Variants in MRGPRF observed in about 807,000 individuals in gnomAD.
MRGPRF encodes mas-related G protein-coupled receptor member F.
MRGPRF carries 2 observed loss-of-function variants against 3.3 expected under a neutral mutation model. The observed-to-expected ratio is 0.61, with a 90% confidence interval of 0.25 to 1.92. The LOEUF is 1.92. Among genes scored for constraint, MRGPRF ranks in the 40% most tolerant of loss-of-function variants. MRGPRF has a pLI of 0.16. For missense variants in MRGPRF, 500 were observed against 476.0 expected (o/e 1.05, Z -0.47); for synonymous variants, 242 against 222.7 (o/e 1.09, Z -0.77).
rs143126919 is a variant in MRGPRF, at chr11:69,011,880, C to T, written c.-57+1203G>A. On this transcript the variant is annotated intron_variant, in intron 1 of 2. Coordinates refer to ENST00000309099, the MANE Select transcript of MRGPRF (RefSeq NM_145015.5). Reference sequence around the variant, plus strand: ...AGGCAGTGGGCTGGGCTCCCCCCTACGCTGCAGGTGGGCATGCAGTGGGGG... The same window carrying T: ...AGGCAGTGGGCTGGGCTCCCCCCTATGCTGCAGGTGGGCATGCAGTGGGGG... Among the ~76,000 whole-genome samples, 301 of 152,340 alleles carry T rather than the reference C, an allele frequency of 2.0e-3. 3 individuals are homozygous for T. The East Asian group carries it at 0.043, about 22-fold the overall frequency.
upstream of MRGPRF, chr11:69,013,417 C>G (rs1217227635): frequency 6.6e-6 from 1 of 152,618 alleles, no homozygotes; most frequent in East Asian, 1.9e-4. Context: ...ATCTCTCCGC[C>G]TGGTGACGTC....
At chr11:69,010,396 C>A (rs2154012872) in intron 1 of MRGPRF, among the ~76,000 whole-genome samples, 1 of 152,324 alleles carries the variant, frequency 6.6e-6, no homozygotes, top group Middle Eastern at 3.4e-3. Flanking sequence ...GCAGGGGGAA[C>A]CTGCTGGAGG....
In MRGPRF at chr11:69,006,221, C is replaced by T. The variant is rs774001540; in HGVS notation, c.89G>A (p.Arg30Gln). 1.9e-6 allele frequency: 3 copies of T among 1,613,338 alleles called. No homozygotes were observed. Among genetic ancestry groups the T allele is most frequent in the African/African-American group, 1.3e-5 (1 of 75,054 alleles). Residue 30 changes from arginine to glutamine, a missense_variant, in exon 3 of 3, where the codon CGG becomes CAG. Physicochemically the swap from Arg to Gln is conservative, Grantham distance 43 (BLOSUM62 1). Transcript: ENST00000309099. Reference protein sequence around the residue: ...GLSEAPELYSRGFLTIEQIAM... With the variant: ...GLSEAPELYSQGFLTIEQIAM... Reference sequence around the variant, plus strand: ...GATCTGCTCGATGGTCAGGAAGCCCCGGCTGTAGAGTTCCGGGGCCTCGCT... The same window carrying T: ...GATCTGCTCGATGGTCAGGAAGCCCTGGCTGTAGAGTTCCGGGGCCTCGCT...
chr11:69,009,807 C>T (rs73514405), intron 2 of MRGPRF, 47 bp downstream of exon 2: 3 of 1,590,390 alleles, frequency 1.9e-6, no homozygotes, highest in South Asian at 2.2e-5. Flanking sequence ...CCCCTCCCAC[C>T]CACACCCGTC....
rs758313810 is a variant in MRGPRF at position 69,006,008 on chromosome 11, A to T, written c.302T>A (p.Ile101Asn). The change falls in exon 3 of 3, where the codon ATC becomes AAC. Residue 101 changes from isoleucine (I) to asparagine (N), a missense_variant. By Grantham distance (149) the Ile-to-Asn change is moderately radical. Coordinates refer to ENST00000309099, the MANE Select transcript of MRGPRF (RefSeq NM_145015.5). ...GYLFSKAVFS[I>N]LNTGGFLGTF... The stretch of plus-strand genomic sequence containing the variant: ...GCCCAGGAAGCCCCCCGTGTTCAGG[A>T]TGGAGAACACCGCCTTGCTGAAGAG... The T allele has an allele frequency of 5.1e-6, 8 of 1,569,220 alleles. No individual in the cohort carries two copies. The Admixed American group carries it at 1.3e-4, about 26-fold the overall frequency.
rs1034664369 is a variant in MRGPRF at position 69,009,616 on chromosome 11, G to A, written c.48+238C>T. On this transcript the variant is annotated intron_variant, in intron 2 of 2. Transcript: ENST00000309099. ...AAGGCGACCACAGTGTCAGCACAGCGAGGGACCTTGAGGTCCAGTCCTGGT... is the reference window on the plus strand; with the variant it reads ...AAGGCGACCACAGTGTCAGCACAGCAAGGGACCTTGAGGTCCAGTCCTGGT... 3.5e-5 allele frequency: 22 copies of A among 628,990 alleles called. No homozygotes were observed. In the East Asian group the frequency reaches 3.6e-4, roughly 10 times the overall value. The allele number at this position is 628,990 out of a possible 1,614,324, so 39.0% of individuals were successfully genotyped here.
chr11:69,006,343 G>GT, intron 2 of MRGPRF, 82 bp from the exon 3 acceptor site: 3 of 166,646 alleles, frequency 1.8e-5, no homozygotes, highest in Non-Finnish European at 2.1e-5. Flanking sequence ...GCGTGGGGGA[G>GT]GGGGGGGGTC....
chr11:69,009,579 C>T (rs779604982), intron 2 of MRGPRF: 52 of 601,514 alleles, frequency 8.6e-5, no homozygotes, highest in Middle Eastern at 5.1e-4. Context: ...CAAGACCTTG[C>T]AAGGATGCTA....
At chr11:69,008,575 ACT>A (rs1234560433) in intron 2 of MRGPRF, among the ~76,000 whole-genome samples, 1 of 151,900 alleles carries the variant, frequency 6.6e-6, no homozygotes, top group Middle Eastern at 3.2e-3. Flanking sequence ...CTCTGGGGAG[ACT>A]CTGTGAGGTC....
Position 69,005,889 on chromosome 11 carries a change from G to C in MRGPRF, c.421C>G (p.Arg141Gly). 1 of 1,569,520 alleles carries C rather than the reference G, an allele frequency of 6.4e-7. No homozygotes were observed. The highest frequency in any genetic ancestry group is 1.3e-5 in the African/African-American group (1 of 74,244). Residue 141 changes from arginine (R) to glycine (G), a missense_variant, in exon 3 of 3, where the codon CGC (arginine) becomes GGC (glycine). Arg to Gly is a moderately radical substitution (Grantham distance 125). Transcript: ENST00000309099. Reference protein sequence around the residue: ...VSLLPAVSAERCASVIFPAWY... With the variant: ...VSLLPAVSAEGCASVIFPAWY... ...GCGGGGAAGATGACCGAGGCGCAGCGCTCGGCGCTGACGGCCGGCAGGAGG... is the reference window on the plus strand; with the variant it reads ...GCGGGGAAGATGACCGAGGCGCAGCCCTCGGCGCTGACGGCCGGCAGGAGG...
In MRGPRF at chr11:69,005,268, C is replaced by T. The variant is rs1204256392; in HGVS notation, c.*10G>A. ...GCTTCCTGCCCCTGCCTCCTCCAGG[C>T]GCTGGAGTCTCAGGAGGCGTTCCCC... On this transcript the variant is annotated 3_prime_UTR_variant, in exon 3 of 3. Transcript: ENST00000309099. 9 of 1,475,062 alleles carry T rather than the reference C, an allele frequency of 6.1e-6. No individual in the cohort carries two copies. The South Asian group carries it at 8.3e-5, about 14-fold the overall frequency. 91.4% of individuals were successfully genotyped at this position (1,475,062 alleles called of 1,614,324 possible). A position where few individuals can be genotyped will look rare whatever the true frequency, so the allele number is the denominator to read the frequency against.
chr11:69,010,723 A>G (rs1374175199), intron 1 of MRGPRF, among the ~76,000 whole-genome samples: 2 of 152,116 alleles, frequency 1.3e-5, no homozygotes, highest in Non-Finnish European at 2.9e-5. Flanking sequence ...GACTGCTGGC[A>G]TAGAGAGGGG....
In MRGPRF at chr11:69,005,000, G is replaced by A. The variant is rs1342348046; in HGVS notation, c.*278C>T. On this transcript the variant is annotated 3_prime_UTR_variant, in exon 3 of 3. Transcript: ENST00000309099. ...CTTTTACCAACCAGCCTAGGGCAAGGAGGGGCCCCACCACCTGGGGGCAAC... is the reference window on the plus strand; with the variant it reads ...CTTTTACCAACCAGCCTAGGGCAAGAAGGGGCCCCACCACCTGGGGGCAAC... 2.4e-6 allele frequency: 1 copy of A among 408,606 alleles called. No individual in the cohort carries two copies. The highest frequency in any genetic ancestry group is 4.3e-6 in the Non-Finnish European group (1 of 230,520). 25.3% of individuals were successfully genotyped at this position (408,606 alleles called of 1,614,324 possible). A position where few individuals can be genotyped will look rare whatever the true frequency, so the allele number is the denominator to read the frequency against.
At chr11:69,011,099 C>G (rs1301599008) in intron 1 of MRGPRF, among the ~76,000 whole-genome samples, 3 of 152,132 alleles carry the variant, frequency 2.0e-5, no homozygotes, top group Non-Finnish European at 4.4e-5. Context: ...ATTCTTTCCT[C>G]TGCGCCGCGC....
chr11:69,006,275 G>T lies in MRGPRF; in HGVS notation c.49-14C>A, dbSNP rs375811365. ...GCCAGGGCACATCTGCGCAGGTGCAGAGAGGGACACCTGTGATGCCGGCTG... is the reference window on the plus strand; with the variant it reads ...GCCAGGGCACATCTGCGCAGGTGCATAGAGGGACACCTGTGATGCCGGCTG... On this transcript the variant is annotated splice_polypyrimidine_tract_variant and intron_variant, in intron 2 of 2. Transcript: ENST00000309099. The T allele has an allele frequency of 1.3e-6, 2 of 1,589,314 alleles. No individual in the cohort carries two copies. Among genetic ancestry groups the T allele is most frequent in the Non-Finnish European group, 1.7e-6 (2 of 1,168,840 alleles).
chr11:69,011,409 C>T (rs1176881794), intron 1 of MRGPRF, among the ~76,000 whole-genome samples: 2 of 152,234 alleles, frequency 1.3e-5, no homozygotes, highest in African/African-American at 4.8e-5. Context: ...GCCTGGCCTA[C>T]GGCTGACTCA....
At position 69,005,242 on chromosome 11, in the gene MRGPRF, C is replaced by T. The variant is rs896622557; in HGVS notation, c.*36G>A. 47 of 1,455,088 alleles carry T rather than the reference C, an allele frequency of 3.2e-5. No individual in the cohort carries two copies. Among genetic ancestry groups the T allele is most frequent in the African/African-American group, 4.3e-5 (3 of 70,392 alleles). 90.1% of individuals were successfully genotyped at this position (1,455,088 alleles called of 1,614,324 possible). A position where few individuals can be genotyped will look rare whatever the true frequency, so the allele number is the denominator to read the frequency against. On this transcript the variant is annotated 3_prime_UTR_variant, in exon 3 of 3. Coordinates refer to ENST00000309099, the MANE Select transcript of MRGPRF (RefSeq NM_145015.5). ...TCCCAAGGCGAAGGGTCTTGGAGGC[C>T]GCTTCCTGCCCCTGCCTCCTCCAGG... is the stretch of plus-strand genomic sequence containing the variant.
At position 69,006,222 on chromosome 11, in the gene MRGPRF, G is replaced by A. The variant is rs572234027; in HGVS notation, c.88C>T (p.Arg30Trp). The change falls in exon 3 of 3, where the codon CGG becomes TGG. Residue 30 changes from arginine (R) to tryptophan (W), a missense_variant. Physicochemically the swap from Arg to Trp is moderately radical, Grantham distance 101. Coordinates refer to ENST00000309099, the MANE Select transcript of MRGPRF (RefSeq NM_145015.5). Reference protein sequence around the residue: ...GLSEAPELYSRGFLTIEQIAM... With the variant: ...GLSEAPELYSWGFLTIEQIAM... ...ATCTGCTCGATGGTCAGGAAGCCCCGGCTGTAGAGTTCCGGGGCCTCGCTC... is the reference window on the plus strand; with the variant it reads ...ATCTGCTCGATGGTCAGGAAGCCCCAGCTGTAGAGTTCCGGGGCCTCGCTC... The A allele has an allele frequency of 1.9e-6, 3 of 1,613,330 alleles. No homozygotes were observed. The highest frequency in any genetic ancestry group is 2.2e-5 in the East Asian group (1 of 44,874).
At chr11:69,010,096 G>C in intron 1 of MRGPRF, 139 bp from the exon 2 acceptor site, 1 of 611,332 alleles carries the variant, frequency 1.6e-6, no homozygotes, top group Non-Finnish European at 2.9e-6. Context: ...ACCCTCAGCA[G>C]CAGGGGCATT....
Sources: allele counts gnomAD v4.1 joint callset (sites outside exome capture counted in the v4.1 genomes callset), GRCh38; gene constraint gnomAD v4.1.1; transcripts MANE v1.5; gene names NCBI Gene and HGNC (gene_info 2026-07-23, HGNC 2026-07-21).